Variants in ANKMY1 observed in about 807,000 individuals in gnomAD.
The protein encoded by ANKMY1 is ankyrin repeat and MYND domain containing 1.
A neutral mutation model predicts 102.0 loss-of-function variants in ANKMY1; 98 were observed. That is an observed-to-expected ratio of 0.96 (90% CI 0.82 to 1.14). The LOEUF is 1.14. ANKMY1 is among the 50% of genes most tolerant of loss of function. The pLI, the probability that ANKMY1 is intolerant of heterozygous loss-of-function variation, is 0.00. For missense variants in ANKMY1, 1,330 were observed against 1,347.6 expected, an observed-to-expected ratio of 0.99 and a Z score of 0.20; for synonymous variants, 582 against 559.9, an observed-to-expected ratio of 1.04 and a Z score of -0.56.
At chr2:240,504,994 CACACACAT>C (rs2078819584) in intron 13 of ANKMY1, among the ~76,000 whole-genome samples, 2 of 151,132 alleles carry the variant, frequency 1.3e-5, no homozygotes, top group Admixed American at 1.3e-4. Flanking sequence ...TAAACACACA[CACACACAT>C]ACACACAATA....
At position 240,529,545 on chromosome 2, in the gene ANKMY1, C is replaced by G; in HGVS notation, c.481-36G>C. The G allele has an allele frequency of 2.6e-6, 4 of 1,538,464 alleles. No individual in the cohort carries two copies. The highest frequency in any genetic ancestry group is 3.5e-6 in the Non-Finnish European group (4 of 1,136,260). ...AGCGCAATAGACCGAGGAGAGATAACGCGACCCAGCTGCACATGTGATCAT... is the reference window on the plus strand; with the variant it reads ...AGCGCAATAGACCGAGGAGAGATAAGGCGACCCAGCTGCACATGTGATCAT... On this transcript the variant is annotated intron_variant, in intron 4 of 17. Coordinates refer to ENST00000401804, the MANE Select transcript of ANKMY1 (RefSeq NM_001282771.3). The surrounding 1 kb of genome is among the most constrained non-coding windows in gnomAD (Gnocchi z 4.2).
intron 9 of ANKMY1, among the ~76,000 whole-genome samples, chr2:240,517,919 G>A (rs554322386): frequency 6.6e-6 from 1 of 152,292 alleles, no homozygotes; most frequent in South Asian, 2.1e-4. Context: ...GTGGAAGTGG[G>A]GGATTGGAAA....
intron 15 of ANKMY1, among the ~76,000 whole-genome samples, chr2:240,491,091 C>CTTTTTTT (rs200434647): frequency 1.5e-5 from 2 of 129,582 alleles, no homozygotes. Context: ...ATGACTTTGT[C>CTTTTTTT]TTTTTTTTTT....
At chr2:240,526,681 T>C in intron 5 of ANKMY1, 2 of 1,417,282 alleles carry the variant, frequency 1.4e-6, no homozygotes, top group East Asian at 2.6e-5. Context: ...GGGCTATATG[T>C]CTGTCCCGAC....
Position 240,529,229 on chromosome 2 carries a change from G to C in ANKMY1, c.761C>G (p.Thr254Arg). 1 of 1,614,170 alleles carries C rather than the reference G, an allele frequency of 6.2e-7. No homozygotes were observed. The highest frequency in any genetic ancestry group is 2.2e-5 in the East Asian group (1 of 44,880). ...GTAGACATACATTTCTGGAGGCAGC[G>C]TTAGGTTGTCATTCAGAAGAAACCG... ...YKRFLLNDNL[T>R]LPPEMYVYST... is the part of the protein sequence containing the mutation. The change falls in exon 5 of 18, where the codon ACG becomes AGG. Residue 254 changes from threonine (T) to arginine (R), a missense_variant. Transcript: ENST00000401804. The surrounding 1 kb of genome is among the most constrained non-coding windows in gnomAD (Gnocchi z 4.2).
At position 240,526,122 on chromosome 2, in the gene ANKMY1, T is replaced by C. The variant is rs867273201; in HGVS notation, c.1170+107A>G. The C allele has an allele frequency of 1.3e-5, 17 of 1,347,662 alleles. 1 individual carries two copies. The Middle Eastern group carries it at 1.8e-3, about 141-fold the overall frequency. 83.5% of individuals were successfully genotyped at this position (1,347,662 alleles called of 1,614,324 possible). On this transcript the variant is annotated intron_variant, in intron 6 of 17. Transcript: ENST00000401804. ...GAGGTGTGGACAATCAGTGTCCCCA[T>C]GTACCTCAGCTCTGCTCCTGCAGAG...
Position 240,557,400 on chromosome 2 carries a change from C to T in ANKMY1, c.-17-48G>A, listed in dbSNP as rs79505822. 5.1e-4 allele frequency: 719 copies of T among 1,412,170 alleles called. 5 individuals carry two copies. The East Asian group carries it at 0.015, about 30-fold the overall frequency. The allele number at this position is 1,412,170 out of a possible 1,614,324, so 87.5% of individuals were successfully genotyped here. A position where few individuals can be genotyped will look rare whatever the true frequency, so the allele number is the denominator to read the frequency against. On this transcript the variant is annotated intron_variant, in intron 1 of 17. Transcript: ENST00000401804. ...ACATGTGCCCCCAGGGCTCCCGCCG[C>T]GAACTCAGAGGGCGCCCGAGGCCCG...
intron 9 of ANKMY1, among the ~76,000 whole-genome samples, chr2:240,515,508 T>C (rs1007397110): frequency 2.6e-5 from 4 of 151,926 alleles, no homozygotes; most frequent in African/African-American, 4.8e-5. Flanking sequence ...GCACTCCAGC[T>C]TGGGCGACAG....
rs745671682 is a variant in ANKMY1 at position 240,526,209 on chromosome 2, T to C, written c.1170+20A>G. On this transcript the variant is annotated intron_variant, in intron 6 of 17. Coordinates refer to ENST00000401804, the MANE Select transcript of ANKMY1 (RefSeq NM_001282771.3). The stretch of plus-strand genomic sequence containing the variant: ...CAGCTAAGCTCCTGCGGGCACCAGC[T>C]GGGAGGGTGTGGGGCTTACAGCAGC... 3.7e-6 allele frequency: 6 copies of C among 1,613,710 alleles called. No homozygotes were observed. Among genetic ancestry groups the C allele is most frequent in the Non-Finnish European group, 5.1e-6 (6 of 1,179,934 alleles).
At chr2:240,503,271 T>C (rs1270312244) in intron 13 of ANKMY1, among the ~76,000 whole-genome samples, 1 of 152,130 alleles carries the variant, frequency 6.6e-6, no homozygotes, top group Non-Finnish European at 1.5e-5. Context: ...TGGGGCCCCA[T>C]ATCTCAGCAG....
chr2:240,477,384 G>C (rs149694213), downstream of ANKMY1, among the ~76,000 whole-genome samples: 4 of 152,296 alleles, frequency 2.6e-5, no homozygotes, highest in Admixed American at 6.5e-5. Flanking sequence ...TGAATTTTAA[G>C]ATTAAGATGA....
intron 13 of ANKMY1, 55 bp downstream of exon 13, chr2:240,507,505 A>C: frequency 6.8e-7 from 1 of 1,467,150 alleles, no homozygotes; most frequent in Non-Finnish European, 9.1e-7. Context: ...ACTCAGGGCC[A>C]CCCCACCACC....
At position 240,523,925 on chromosome 2, in the gene ANKMY1, C is replaced by A; in HGVS notation, c.1792G>T (p.Asp598Tyr). Residue 598 changes from aspartate (D) to tyrosine (Y), a missense_variant, in exon 8 of 18, where the codon GAC (aspartate) becomes TAC (tyrosine). Transcript: ENST00000401804. ...ASPSPCTSSF[D>Y]KGTMRRMALS... The stretch of plus-strand genomic sequence containing the variant: ...GCCATCCTCCGCATGGTCCCTTTGT[C>A]GAAGCTGCTGGTGCACGGTGAGGGC... The A allele has an allele frequency of 6.2e-7, 1 of 1,613,724 alleles. No homozygotes were observed. The highest frequency in any genetic ancestry group is 1.1e-5 in the South Asian group (1 of 91,086).
upstream of ANKMY1, among the ~76,000 whole-genome samples, chr2:240,559,300 G>T (rs1051557059): frequency 6.6e-6 from 1 of 152,230 alleles, no homozygotes; most frequent in Non-Finnish European, 1.5e-5. Context: ...CAGTCCAGGA[G>T]GAGGAGGGAC....
At chr2:240,508,891 C>A (rs749908416) in intron 12 of ANKMY1, among the ~76,000 whole-genome samples, 1 of 142,362 alleles carries the variant, frequency 7.0e-6, no homozygotes, top group Non-Finnish European at 1.5e-5. Context: ...GATGGACAGA[C>A]GGATGGGTGA....
chr2:240,500,429 C>T (rs1238275292), intron 14 of ANKMY1, 23 bp downstream of exon 14: 5 of 1,606,764 alleles, frequency 3.1e-6, no homozygotes, highest in Non-Finnish European at 4.3e-6. Flanking sequence ...CCCCTCCTTC[C>T]TCATGGGAGG....
At chr2:240,559,981 A>G (rs1364548069), upstream of ANKMY1, 1 of 152,416 alleles carries the variant, frequency 6.6e-6, no homozygotes, top group Non-Finnish European at 1.5e-5. Context: ...CATGGACATT[A>G]AGTGATATTA....
At chr2:240,486,844 C>T (rs1430769652) in intron 15 of ANKMY1, among the ~76,000 whole-genome samples, 4 of 152,122 alleles carry the variant, frequency 2.6e-5, no homozygotes, top group African/African-American at 7.2e-5. Context: ...TACGTCATCC[C>T]ACTGTCTTGA....
At chr2:240,471,164 T>G in the ANKMY1 span, among the ~76,000 whole-genome samples, 1 of 151,306 alleles carries the variant, frequency 6.6e-6, no homozygotes, top group African/African-American at 2.4e-5. Flanking sequence ...CAAAAGATAA[T>G]GAGTAAATAC....
Sources: allele counts gnomAD v4.1 joint callset (sites outside exome capture counted in the v4.1 genomes callset), GRCh38; gene constraint gnomAD v4.1.1; non-coding constraint Gnocchi (gnomAD v3.1); transcripts MANE v1.5; gene names NCBI Gene and HGNC (gene_info 2026-07-23, HGNC 2026-07-21).